DDIAS: variants seen among roughly 807,000 people sequenced by gnomAD.
The protein encoded by DDIAS is DNA damage induced apoptosis suppressor.
DDIAS carries 14 observed loss-of-function variants against 15.7 expected under a neutral mutation model. That is an observed-to-expected ratio of 0.89 (90% CI 0.59 to 1.39). The LOEUF is 1.39. DDIAS is among the 40% of genes most tolerant of loss of function. The pLI, the probability that DDIAS is intolerant of heterozygous loss-of-function variation, is 0.00. For synonymous variants in DDIAS, 355 were observed against 395.9 expected, an observed-to-expected ratio of 0.90 and a Z score of 1.23; for missense variants, 1,035 against 1,130.9, an observed-to-expected ratio of 0.92 and a Z score of 1.22.
rs370353912 is a variant in DDIAS at position 82,928,782 on chromosome 11, A to G, written c.119A>G (p.Asn40Ser). ...SRIILVSKRS[N>S]CPKCGSTGES... ...TTTTTCCACCACTTTTCTAGGTCTA[A>G]TTGTCCAAAATGTGGCTCTACTGGT... is the stretch of plus-strand genomic sequence containing the variant. Residue 40 changes from asparagine to serine, a missense_variant, in exon 4 of 6, where the codon AAT becomes AGT. Coordinates refer to ENST00000533655, the MANE Select transcript of DDIAS (RefSeq NM_145018.4). 6 of 1,613,074 alleles carry G rather than the reference A, an allele frequency of 3.7e-6. No individual in the cohort carries two copies. The highest frequency in any genetic ancestry group is 2.7e-5 in the African/African-American group (2 of 74,888).
At chr11:82,921,571 C>CTTT (rs968751055) in intron 3 of DDIAS, among the ~76,000 whole-genome samples, 373 of 77,996 alleles carry the variant, frequency 4.8e-3, no homozygotes, top group Middle Eastern at 0.014. Context: ...TTCTTTCTTT[C>CTTT]TTTTTTTTTT....
chr11:82,933,727 T>C lies in DDIAS; in HGVS notation c.2389T>C (p.Phe797Leu), dbSNP rs759596032. ...AAACAGAGCTTTCAAAAAACCTGTA[T>C]TTTATTCAGATCTTGATGGTAACTA... ...GINRAFKKPV[F>L]YSDLDGNYEK... is the part of the protein sequence containing the mutation. The change falls in exon 6 of 6, where the codon TTT (phenylalanine) becomes CTT (leucine). Residue 797 changes from phenylalanine to leucine, a missense_variant. Phe to Leu is a conservative substitution (Grantham distance 22). Coordinates refer to ENST00000533655, the MANE Select transcript of DDIAS (RefSeq NM_145018.4). 6.2e-7 allele frequency: 1 copy of C among 1,612,784 alleles called. No homozygotes were observed. Among genetic ancestry groups the C allele is most frequent in the South Asian group, 1.1e-5 (1 of 90,520 alleles).
At chr11:82,923,463 A>T (rs1323321172) in intron 3 of DDIAS, among the ~76,000 whole-genome samples, 2 of 152,228 alleles carry the variant, frequency 1.3e-5, no homozygotes, top group African/African-American at 4.8e-5. Flanking sequence ...GAACAGAGAG[A>T]CGTCCCTAAA....
intron 3 of DDIAS, among the ~76,000 whole-genome samples, chr11:82,921,981 T>C (rs1860764507): frequency 6.6e-6 from 1 of 152,216 alleles, no homozygotes; most frequent in East Asian, 1.9e-4. Context: ...TTAGTTTCAC[T>C]GGGTACAAAA....
chr11:82,905,657 TA>T (rs1337324034), intron 1 of DDIAS, among the ~76,000 whole-genome samples: 5 of 152,200 alleles, frequency 3.3e-5, no homozygotes, highest in Non-Finnish European at 7.4e-5. Flanking sequence ...GAATTGCAGT[TA>T]AATTTTTTGT....
intron 1 of DDIAS, among the ~76,000 whole-genome samples, chr11:82,905,769 A>G (rs1243034410): frequency 1.3e-5 from 2 of 152,194 alleles, no homozygotes; most frequent in African/African-American, 2.4e-5. Flanking sequence ...CCCACCTAGC[A>G]TTTAGCAGCT....
intron 1 of DDIAS, chr11:82,909,470 G>A (rs1335327969): frequency 6.6e-6 from 1 of 152,144 alleles, no homozygotes; most frequent in African/African-American, 2.4e-5. Context: ...GTATGTCTCA[G>A]CTTCATTTTA....
rs1215020866 is a variant in DDIAS, at chr11:82,932,889, A to G, written c.1551A>G (p.Val517=). ...AGGAGTCACAACCAGATAACAAAGT[A>G]GAGGCTGTCTCTGTAAATCATAATG... ...VEKESQPDNK[V]EAVSVNHNGR... The change falls in exon 6 of 6, where the codon GTA becomes GTG. Residue 517 remains valine (V), a synonymous_variant. Coordinates refer to ENST00000533655, the MANE Select transcript of DDIAS (RefSeq NM_145018.4). 6.2e-7 allele frequency: 1 copy of G among 1,613,200 alleles called. No individual in the cohort carries two copies. Among genetic ancestry groups the G allele is most frequent in the African/African-American group, 1.3e-5 (1 of 75,046 alleles).
At chr11:82,913,601 T>G (rs1860566237) in intron 2 of DDIAS, 1 of 365,386 alleles carries the variant, frequency 2.7e-6, no homozygotes, top group Non-Finnish European at 5.3e-6. Context: ...ATTTGACATG[T>G]AACATTTTGC....
intron 3 of DDIAS, among the ~76,000 whole-genome samples, chr11:82,927,416 A>G (rs1860885152): frequency 6.6e-6 from 1 of 152,202 alleles, no homozygotes; most frequent in Admixed American, 6.5e-5. Context: ...GAATAACAGC[A>G]CAGATCTAAT....
intron 3 of DDIAS, among the ~76,000 whole-genome samples, chr11:82,917,513 A>G (rs868147328): frequency 6.6e-6 from 1 of 152,156 alleles, no homozygotes; most frequent in Admixed American, 6.5e-5. Context: ...TTCATCGTGT[A>G]TATATACCAC....
Position 82,933,429 on chromosome 11 carries a change from A to G in DDIAS, c.2091A>G (p.Ser697=). Residue 697 remains serine, a synonymous_variant, in exon 6 of 6, where the codon TCA becomes TCG. Coordinates refer to ENST00000533655, the MANE Select transcript of DDIAS (RefSeq NM_145018.4). Reference sequence around the variant, plus strand: ...TTGCAACTGAGATTACCAAAAAATCACAGGATATTTTGTTAAAATGGGGAA... The same window carrying G: ...TTGCAACTGAGATTACCAAAAAATCGCAGGATATTTTGTTAAAATGGGGAA... ...MDIATEITKK[S]QDILLKWGTS... 3 of 1,613,924 alleles carry G rather than the reference A, an allele frequency of 1.9e-6. No individual in the cohort carries two copies. The highest frequency in any genetic ancestry group is 2.5e-6 in the Non-Finnish European group (3 of 1,179,940).
At chr11:82,910,850 A>G (rs1860520071) in intron 1 of DDIAS, among the ~76,000 whole-genome samples, 1 of 151,984 alleles carries the variant, frequency 6.6e-6, no homozygotes, top group Non-Finnish European at 1.5e-5. Context: ...AAAAGAAAGT[A>G]TAAAGAGGAG....
At position 82,928,941 on chromosome 11, in the gene DDIAS, A is replaced by G; in HGVS notation, c.275+3A>G. The G allele has an allele frequency of 4.4e-6, 7 of 1,598,544 alleles. No homozygotes were observed. Among genetic ancestry groups the G allele is most frequent in the African/African-American group, 1.4e-5 (1 of 73,936 alleles). ...CTTACTGCCACTGGTTTGCACAGGT[A>G]AGAATACTTAAAACATCCTTTTTCC... is the stretch of plus-strand genomic sequence containing the variant. On this transcript the variant is annotated splice_donor_region_variant and intron_variant, in intron 4 of 5. Coordinates refer to ENST00000533655, the MANE Select transcript of DDIAS (RefSeq NM_145018.4).
In DDIAS at chr11:82,934,509, G is replaced by T; in HGVS notation, c.*174G>T. ...ATATAAAGCCATTGTTTTCCCCAGGGTTTTATCTAGAATACTATGATTAGG... is the reference window on the plus strand; with the variant it reads ...ATATAAAGCCATTGTTTTCCCCAGGTTTTTATCTAGAATACTATGATTAGG... On this transcript the variant is annotated 3_prime_UTR_variant, in exon 6 of 6. Transcript: ENST00000533655. 1 of 583,620 alleles carries T rather than the reference G, an allele frequency of 1.7e-6. No individual in the cohort carries two copies. The highest frequency in any genetic ancestry group is 3.0e-5 in the East Asian group (1 of 33,476). The allele number at this position is 583,620 out of a possible 1,614,324, so 36.2% of individuals were successfully genotyped here.
chr11:82,923,425 C>T (rs1036690852), intron 3 of DDIAS, among the ~76,000 whole-genome samples: 10 of 152,198 alleles, frequency 6.6e-5, no homozygotes, highest in Non-Finnish European at 1.0e-4. Flanking sequence ...ATGCTCTTGC[C>T]TTTGCAGAAG....
At chr11:82,925,198 G>GT (rs1266299579) in intron 3 of DDIAS, among the ~76,000 whole-genome samples, 1 of 152,174 alleles carries the variant, frequency 6.6e-6, no homozygotes, top group Non-Finnish European at 1.5e-5. Context: ...ATAAAAGTAT[G>GT]TTTTTTGTGT....
In DDIAS at chr11:82,930,149, C is replaced by A; in HGVS notation, c.276-8C>A. The A allele has an allele frequency of 1.4e-6, 2 of 1,478,930 alleles. No individual in the cohort carries two copies. Among genetic ancestry groups the A allele is most frequent in the South Asian group, 1.2e-5 (1 of 80,708 alleles). The allele number at this position is 1,478,930 out of a possible 1,614,324, so 91.6% of individuals were successfully genotyped here. A position where few individuals can be genotyped will look rare whatever the true frequency, so the allele number is the denominator to read the frequency against. On this transcript the variant is annotated splice_region_variant and splice_polypyrimidine_tract_variant and intron_variant, in intron 4 of 5. Coordinates refer to ENST00000533655, the MANE Select transcript of DDIAS (RefSeq NM_145018.4). ...TGCTTCACATTTTTTACTTTTTTTC[C>A]AATCAAGGTACATTCAGGATCCTAA...
intron 3 of DDIAS, chr11:82,922,817 C>G (rs1406550312): frequency 6.6e-6 from 1 of 152,196 alleles, no homozygotes; most frequent in African/African-American, 2.4e-5. Context: ...TGGGTAGGCT[C>G]TGTCAGAGAG....
Sources: gnomAD v4.1 joint callset for allele counts (sites outside exome capture counted in the v4.1 genomes callset) on GRCh38, gnomAD v4.1.1 for gene constraint, MANE v1.5 for transcripts, NCBI Gene and HGNC (gene_info 2026-07-23, HGNC 2026-07-21) for gene names.